Variants in PHF21B observed in about 807,000 individuals in gnomAD.
PHF21B encodes PHD finger protein 4.
In PHF21B, 22 loss-of-function variants were observed where a neutral mutation model predicts 62.2. That is an observed-to-expected ratio of 0.35 (90% CI 0.25 to 0.51). The LOEUF (loss-of-function observed/expected upper bound fraction) is 0.51, where lower values mean the gene tolerates loss of function less well. PHF21B is among the 20% of genes least tolerant of loss of function. PHF21B has a pLI of 0.97. For synonymous variants in PHF21B, 341 were observed against 314.7 expected (o/e 1.08, Z -0.88); for missense variants, 701 against 707.9 (o/e 0.99, Z 0.11).
intron 5 of PHF21B, among the ~76,000 whole-genome samples, chr22:44,907,551 TG>T (rs1419859085): frequency 1.3e-5 from 2 of 152,160 alleles, no homozygotes; most frequent in Non-Finnish European, 1.5e-5. Flanking sequence ...GTCTGTGACC[TG>T]GAAGGGCAGA....
intron 2 of PHF21B, among the ~76,000 whole-genome samples, chr22:44,956,420 A>T (rs1460686573): frequency 6.6e-6 from 1 of 152,196 alleles, no homozygotes; most frequent in South Asian, 2.1e-4. Context: ...ATTAAACAGT[A>T]AGTCATCTGC....
At chr22:44,953,828 C>A (rs974677328) in intron 2 of PHF21B, among the ~76,000 whole-genome samples, 1 of 152,182 alleles carries the variant, frequency 6.6e-6, no homozygotes, top group African/African-American at 2.4e-5. Context: ...ATTAATTAAT[C>A]CTCAAAACAA....
At chr22:44,976,515 A>C (rs568385364) in intron 2 of PHF21B, among the ~76,000 whole-genome samples, 1 of 152,366 alleles carries the variant, frequency 6.6e-6, no homozygotes, top group Non-Finnish European at 1.5e-5. Flanking sequence ...GAAAAAAGCA[A>C]AATTACAATT....
In PHF21B at chr22:44,917,495, T is replaced by C. The variant is rs919756835; in HGVS notation, c.214-865A>G. Among the ~76,000 whole-genome samples the C allele has an allele frequency of 6.6e-5, 10 of 152,068 alleles. 1 individual carries two copies. The highest frequency in any genetic ancestry group is 1.0e-4 in the Non-Finnish European group (7 of 67,998). On this transcript the variant is annotated intron_variant, in intron 3 of 12. Transcript: ENST00000313237. The stretch of plus-strand genomic sequence containing the variant: ...GCCCCAGATGAGGACACACCAACCC[T>C]GGGAGGTCCACGCCAATATTATGCC...
rs1407265344 is a variant in PHF21B, at chr22:45,008,359, C to T, written c.120+186G>A. 8 of 502,808 alleles carry T rather than the reference C, an allele frequency of 1.6e-5. No homozygotes were observed. In the East Asian group the frequency reaches 2.9e-4, roughly 18 times the overall value. 31.1% of individuals were successfully genotyped at this position (502,808 alleles called of 1,614,324 possible). A position where few individuals can be genotyped will look rare whatever the true frequency, so the allele number is the denominator to read the frequency against. ...CCCCCGCAGGGCCCGGCTCTCCCTG[C>T]CGCCTCCGAGAACCCGGCTCTTTCT... On this transcript the variant is annotated intron_variant, in intron 2 of 12. Transcript: ENST00000313237.
intron 2 of PHF21B, among the ~76,000 whole-genome samples, chr22:45,006,989 G>T (rs865911747): frequency 2.6e-5 from 4 of 152,044 alleles, no homozygotes; most frequent in Admixed American, 6.5e-5. Flanking sequence ...TGGTAATGCA[G>T]GGCCTGGGTC....
chr22:44,979,634 C>T (rs1339912227), intron 2 of PHF21B, among the ~76,000 whole-genome samples: 1 of 152,230 alleles, frequency 6.6e-6, no homozygotes, highest in African/African-American at 2.4e-5. Flanking sequence ...TCCTTCCCTG[C>T]TCAGAGGGAG....
chr22:44,999,073 C>T (rs114932709), intron 2 of PHF21B, among the ~76,000 whole-genome samples: 2 of 152,152 alleles, frequency 1.3e-5, no homozygotes, highest in African/African-American at 2.4e-5. Flanking sequence ...CCGTATAGTA[C>T]GGCCCAATCG....
Position 45,009,667 on chromosome 22 carries a change from GGA to G in PHF21B, c.-120_-119del. 1.0e-6 allele frequency: 1 copy of G among 966,090 alleles called. No individual in the cohort carries two copies. The highest frequency in any genetic ancestry group is 1.4e-6 in the Non-Finnish European group (1 of 698,184). The allele number at this position is 966,090 out of a possible 1,614,324, so 59.8% of individuals were successfully genotyped here. A position where few individuals can be genotyped will look rare whatever the true frequency, so the allele number is the denominator to read the frequency against. On this transcript the variant is annotated 5_prime_UTR_variant, in exon 1 of 13. Transcript: ENST00000313237. The surrounding 1 kb of genome is among the most constrained non-coding windows in gnomAD (Gnocchi z 5.9). Reference sequence around the variant, plus strand: ...CGCGGCCTCCGGGCTGGGTTGGGGGGGACACGAGCCCCCTCCCCCACGGCCGA... The same window carrying G: ...CGCGGCCTCCGGGCTGGGTTGGGGGGCACGAGCCCCCTCCCCCACGGCCGA...
At chr22:44,996,316 G>A (rs1474382263) in intron 2 of PHF21B, among the ~76,000 whole-genome samples, 1 of 152,100 alleles carries the variant, frequency 6.6e-6, no homozygotes, top group East Asian at 1.9e-4. Context: ...TCAGTGTCAG[G>A]GAGCATCCGC....
intron 2 of PHF21B, among the ~76,000 whole-genome samples, chr22:44,977,761 T>C (rs2072765739): frequency 6.6e-6 from 1 of 151,448 alleles, no homozygotes; most frequent in South Asian, 2.1e-4. Flanking sequence ...CATTTTTTTT[T>C]TTTTTTGTAG....
intron 2 of PHF21B, among the ~76,000 whole-genome samples, chr22:44,954,667 T>C (rs199866887): frequency 6.6e-6 from 1 of 152,196 alleles, no homozygotes; most frequent in Non-Finnish European, 1.5e-5. Flanking sequence ...CAAGCAGTAA[T>C]TATTCACATC....
At chr22:44,887,560 G>C (rs2070881176) in intron 10 of PHF21B, among the ~76,000 whole-genome samples, 1 of 151,862 alleles carries the variant, frequency 6.6e-6, no homozygotes, top group Admixed American at 6.6e-5. Context: ...TTTGAGACCA[G>C]CCTGGCCAAC....
chr22:44,991,238 G>T (rs1220699686), intron 2 of PHF21B, among the ~76,000 whole-genome samples: 1 of 152,330 alleles, frequency 6.6e-6, no homozygotes, highest in East Asian at 1.9e-4. Flanking sequence ...AGCTTGATGT[G>T]CACGCTATTA....
intron 2 of PHF21B, among the ~76,000 whole-genome samples, chr22:44,994,652 C>T (rs738623): frequency 0.16 from 24,527 of 152,172 alleles, 3,103 homozygotes; most frequent in African/African-American, 0.36. Flanking sequence ...TAACCAGCCA[C>T]AACCCCCGGG....
intron 3 of PHF21B, among the ~76,000 whole-genome samples, chr22:44,918,366 C>T (rs9614981): frequency 0.26 from 39,023 of 152,184 alleles, 6,544 homozygotes; most frequent in Non-Finnish European, 0.37. Context: ...GGCGAGCTGG[C>T]GTCAATCACA....
At chr22:44,887,359 G>A (rs1013287676) in intron 10 of PHF21B, among the ~76,000 whole-genome samples, 1 of 152,128 alleles carries the variant, frequency 6.6e-6, no homozygotes, top group Non-Finnish European at 1.5e-5. Context: ...CTATATAGCA[G>A]CTGTAAAGCC....
chr22:44,911,703 G>A (rs1179544140), intron 5 of PHF21B, among the ~76,000 whole-genome samples: 1 of 152,232 alleles, frequency 6.6e-6, no homozygotes, highest in Non-Finnish European at 1.5e-5. Context: ...TGCTGCAGGG[G>A]CAGAGCCCTC....
At chr22:44,941,316 C>G (rs2071951797) in intron 2 of PHF21B, among the ~76,000 whole-genome samples, 1 of 152,222 alleles carries the variant, frequency 6.6e-6, no homozygotes, top group Non-Finnish European at 1.5e-5. Flanking sequence ...ACCACCAGCT[C>G]TCAGCGGGGA....
Sources: allele counts gnomAD v4.1 joint callset (sites outside exome capture counted in the v4.1 genomes callset), GRCh38; gene constraint gnomAD v4.1.1; non-coding constraint Gnocchi (gnomAD v3.1); transcripts MANE v1.5; gene names NCBI Gene and HGNC (gene_info 2026-07-23, HGNC 2026-07-21).